The following XKR6 variants were observed in gnomAD, a reference collection of about 807,000 sequenced individuals.
XKR6 encodes XK related 6, also known as XK-related protein 6.
A neutral mutation model predicts 56.7 loss-of-function variants in XKR6; 22 were observed. The observed-to-expected ratio is 0.39, with a 90% CI of 0.28 to 0.55. The LOEUF (loss-of-function observed/expected upper bound fraction) is 0.55. XKR6 is among the 20% of genes least tolerant of loss of function. The pLI is 0.66. For synonymous variants in XKR6, 524 were observed against 387.8 expected (o/e 1.35, Z -4.13); for missense variants, 852 against 889.0 (o/e 0.96, Z 0.53).
At chr8:11,189,015 C>CT (rs1003783852) in intron 1 of XKR6, among the ~76,000 whole-genome samples, 4 of 152,206 alleles carry the variant, frequency 2.6e-5, no homozygotes, top group African/African-American at 9.7e-5. Flanking sequence ...CTCATCCCCT[C>CT]TCCTGGCTGT....
intron 1 of XKR6, chr8:11,195,106 A>T: frequency 2.8e-6 from 2 of 703,042 alleles, no homozygotes; most frequent in South Asian, 1.5e-5. Flanking sequence ...CAGCTAAGCA[A>T]GTATTTCTGG....
intron 1 of XKR6, among the ~76,000 whole-genome samples, chr8:11,055,294 C>CT (rs1799653904): frequency 6.6e-6 from 1 of 150,856 alleles, no homozygotes; most frequent in Non-Finnish European, 1.5e-5. Flanking sequence ...CAGGCCAAGG[C>CT]AATAAGATCC....
chr8:10,946,419 C>T (rs1456426108), intron 1 of XKR6, among the ~76,000 whole-genome samples: 5 of 152,082 alleles, frequency 3.3e-5, no homozygotes, highest in South Asian at 4.2e-4. Context: ...GTGTAAGCCT[C>T]GGGTGCAGGG....
At chr8:11,149,597 T>G (rs1399364765) in intron 1 of XKR6, among the ~76,000 whole-genome samples, 1 of 151,860 alleles carries the variant, frequency 6.6e-6, no homozygotes. Context: ...ATTTCAAGAA[T>G]GCCTATGCTT....
At chr8:11,185,770 C>A (rs1456631624) in intron 1 of XKR6, among the ~76,000 whole-genome samples, 1 of 152,110 alleles carries the variant, frequency 6.6e-6, no homozygotes, top group African/African-American at 2.4e-5. Flanking sequence ...TTCATTGAGT[C>A]CCTGAAGGCC....
intron 1 of XKR6, chr8:11,123,442 T>C (rs968387261): frequency 6.2e-6 from 1 of 160,082 alleles, no homozygotes; most frequent in Non-Finnish European, 1.4e-5. Flanking sequence ...CTACTTCATA[T>C]TGGACAGGCA....
chr8:11,067,494 A>G, intron 1 of XKR6, among the ~76,000 whole-genome samples: 1 of 152,194 alleles, frequency 6.6e-6, no homozygotes, highest in East Asian at 1.9e-4. Flanking sequence ...CTAAATTAGT[A>G]AAATATTTTG....
At chr8:11,064,153 C>A (rs1202528150) in intron 1 of XKR6, among the ~76,000 whole-genome samples, 1 of 152,178 alleles carries the variant, frequency 6.6e-6, no homozygotes, top group Non-Finnish European at 1.5e-5. Context: ...TTTCCTGTTT[C>A]TTTCCCAATA....
intron 1 of XKR6, among the ~76,000 whole-genome samples, chr8:10,947,792 C>G (rs1801595217): frequency 6.6e-6 from 1 of 152,232 alleles, no homozygotes. Context: ...GATCCCTTTG[C>G]TCTGGGCTTT....
intron 1 of XKR6, among the ~76,000 whole-genome samples, chr8:11,165,548 G>T (rs188442832): frequency 6.6e-6 from 1 of 152,102 alleles, no homozygotes; most frequent in African/African-American, 2.4e-5. Context: ...CTTGGGCATC[G>T]GCATCCTTAT....
chr8:10,918,944 T>A (rs1586304915), intron 2 of XKR6, among the ~76,000 whole-genome samples: 3 of 152,238 alleles, frequency 2.0e-5, no homozygotes, highest in Admixed American at 2.0e-4. Context: ...CTCCAACAGG[T>A]GCTCCTAGCT....
chr8:11,123,111 C>A (rs1433676386), intron 1 of XKR6, among the ~76,000 whole-genome samples: 2 of 151,972 alleles, frequency 1.3e-5, no homozygotes, highest in African/African-American at 2.4e-5. Flanking sequence ...GTGGCACACA[C>A]CTGCAATGCC....
intron 1 of XKR6, among the ~76,000 whole-genome samples, chr8:10,965,774 A>G (rs984919685): frequency 2.6e-5 from 4 of 152,246 alleles, no homozygotes; most frequent in African/African-American, 9.6e-5. Flanking sequence ...TACGAAAGTG[A>G]GAACGATTGA....
chr8:11,126,211 G>A (rs1005562250), intron 1 of XKR6: 1 of 152,116 alleles, frequency 6.6e-6, no homozygotes, highest in African/African-American at 2.4e-5. Context: ...TAGGATTACA[G>A]GCGTGCACTA....
At chr8:10,992,161 G>A (rs1177358169) in intron 1 of XKR6, among the ~76,000 whole-genome samples, 1 of 152,156 alleles carries the variant, frequency 6.6e-6, no homozygotes, top group African/African-American at 2.4e-5. Flanking sequence ...CACCCTGCCT[G>A]TTGCTGTTCA....
intron 1 of XKR6, among the ~76,000 whole-genome samples, chr8:11,093,248 T>A (rs866481608): frequency 6.6e-6 from 1 of 151,986 alleles, no homozygotes; most frequent in East Asian, 1.9e-4. Flanking sequence ...AGAGACAGGC[T>A]TTCACCATGT....
chr8:11,017,159 G>A (rs1798644112), intron 1 of XKR6, among the ~76,000 whole-genome samples: 3 of 152,204 alleles, frequency 2.0e-5, no homozygotes, highest in Non-Finnish European at 2.9e-5. Flanking sequence ...ACATATAGAT[G>A]ACAGAGATAG....
chr8:11,010,558 A>G (rs577134324), intron 1 of XKR6, among the ~76,000 whole-genome samples: 6 of 152,340 alleles, frequency 3.9e-5, no homozygotes, highest in Admixed American at 1.3e-4. Flanking sequence ...ACTGACACTC[A>G]TCAGACATTT....
chr8:10,924,752 C>T lies in XKR6; in HGVS notation c.843G>A (p.Met281Ile), dbSNP rs1458836659. The T allele has an allele frequency of 3.7e-6, 6 of 1,614,062 alleles. No individual in the cohort carries two copies. The highest frequency in any genetic ancestry group is 4.2e-6 in the Non-Finnish European group (5 of 1,180,004). The change falls in exon 2 of 3, where the codon ATG (methionine) becomes ATA (isoleucine). Residue 281 changes from methionine to isoleucine, a missense_variant. Around this residue, in one of 4 missense-constraint regions of XKR6, gnomAD observed 199 missense variants for 280.4 expected, o/e 0.71. Transcript: ENST00000416569. ...EHQRRFYWAMMYEYADVNMLR... is the reference protein window; with the variant it reads ...EHQRRFYWAMIYEYADVNMLR... The stretch of plus-strand genomic sequence containing the variant: ...GCATGTTGACGTCTGCATATTCATA[C>T]ATCATAGCCCAGTAGAAGCGTCGCT...
Sources: gnomAD v4.1 joint callset for allele counts (sites outside exome capture counted in the v4.1 genomes callset) on GRCh38, gnomAD v4.1.1 for gene constraint, gnomAD v4.1.1 regional missense constraint, MANE v1.5 for transcripts, NCBI Gene and HGNC (gene_info 2026-07-23, HGNC 2026-07-21) for gene names.